The following RBM25 variants were observed in gnomAD, a reference collection of about 807,000 sequenced individuals.
RBM25 encodes RNA binding motif protein 25, also known as RNA-binding protein 25.
RBM25 carries 19 observed loss-of-function variants against 120.7 expected under a neutral mutation model. The observed-to-expected ratio is 0.16, with a 90% CI of 0.11 to 0.23. RBM25 has a LOEUF of 0.23. Ranked by LOEUF, RBM25 falls within the 10% of genes least tolerant of loss-of-function variation. The pLI is 1.00. For missense variants in RBM25, 605 were observed against 1,041.5 expected, an observed-to-expected ratio of 0.58 and a Z score of 5.77; for synonymous variants, 390 against 326.7, an observed-to-expected ratio of 1.19 and a Z score of -2.09.
Position 73,103,092 on chromosome 14 carries a change from G to T in RBM25, c.868-100G>T, listed in dbSNP as rs1177458510. 7 of 1,519,672 alleles carry T rather than the reference G, an allele frequency of 4.6e-6. No homozygotes were observed. In the African/African-American group the frequency reaches 9.8e-5, roughly 21 times the overall value. The allele number at this position is 1,519,672 out of a possible 1,614,324, so 94.1% of individuals were successfully genotyped here. A position where few individuals can be genotyped will look rare whatever the true frequency, so the allele number is the denominator to read the frequency against. ...AAGTATTTAATATTAATGTATCAGT[G>T]GTTTGGTGTTTTTGTTCCCAGTACT... On this transcript the variant is annotated intron_variant, in intron 9 of 18. Coordinates refer to ENST00000261973, the MANE Select transcript of RBM25 (RefSeq NM_021239.3).
chr14:73,073,106 T>C (rs545951896), intron 2 of RBM25, among the ~76,000 whole-genome samples: 1 of 152,176 alleles, frequency 6.6e-6, no homozygotes, highest in East Asian at 1.9e-4. Context: ...TAAAAAACAT[T>C]TTATAAAGAT....
At chr14:73,097,659 G>T (rs754898325) in intron 7 of RBM25, among the ~76,000 whole-genome samples, 1 of 152,120 alleles carries the variant, frequency 6.6e-6, no homozygotes, top group African/African-American at 2.4e-5. Context: ...TTTGCCTATG[G>T]TTGTTCTGTC....
At chr14:73,059,369 C>T (rs1894945703) in intron 1 of RBM25, 1 of 152,154 alleles carries the variant, frequency 6.6e-6, no homozygotes, top group Admixed American at 6.5e-5. Flanking sequence ...CTGTATATCG[C>T]CATTCATTCT....
intron 5 of RBM25, among the ~76,000 whole-genome samples, chr14:73,084,712 C>T (rs1895644087): frequency 6.6e-6 from 1 of 151,844 alleles, no homozygotes; most frequent in Admixed American, 6.6e-5. Context: ...GCCACCATGC[C>T]CGGCTAATTT....
Position 73,121,484 on chromosome 14 carries a change from T to C in RBM25, c.*1679T>C, listed in dbSNP as rs988996089. 6 of 152,592 alleles carry C rather than the reference T, an allele frequency of 3.9e-5. No homozygotes were observed. The highest frequency in any genetic ancestry group is 8.8e-5 in the Non-Finnish European group (6 of 68,034). 9.5% of individuals were successfully genotyped at this position (152,592 alleles called of 1,614,324 possible). A position where few individuals can be genotyped will look rare whatever the true frequency, so the allele number is the denominator to read the frequency against. ...AGCCATTTACATTATTTTGGATGAATCTACTATACATCTATGGAAATGTCT... is the reference window on the plus strand; with the variant it reads ...AGCCATTTACATTATTTTGGATGAACCTACTATACATCTATGGAAATGTCT... On this transcript the variant is annotated 3_prime_UTR_variant, in exon 19 of 19. Coordinates refer to ENST00000261973, the MANE Select transcript of RBM25 (RefSeq NM_021239.3).
intron 5 of RBM25, among the ~76,000 whole-genome samples, 172 bp downstream of exon 5, chr14:73,083,723 C>A (rs924943326): frequency 1.3e-4 from 19 of 151,710 alleles, no homozygotes; most frequent in Admixed American, 1.1e-3. Flanking sequence ...AAAATATTGG[C>A]TGAGAATTGA....
chr14:73,092,424 A>G (rs559160659), intron 6 of RBM25, among the ~76,000 whole-genome samples: 1 of 152,248 alleles, frequency 6.6e-6, no homozygotes, highest in South Asian at 2.1e-4. Flanking sequence ...GAGACATTGA[A>G]AACCCTTTGT....
intron 5 of RBM25, among the ~76,000 whole-genome samples, chr14:73,086,312 C>T (rs1280189330): frequency 1.3e-5 from 2 of 151,820 alleles, no homozygotes; most frequent in Non-Finnish European, 1.5e-5. Flanking sequence ...GTGGTGCGCT[C>T]CTTTAGTCTG....
chr14:73,091,131 T>C (rs1895804810), intron 6 of RBM25, among the ~76,000 whole-genome samples: 1 of 152,242 alleles, frequency 6.6e-6, no homozygotes, highest in South Asian at 2.1e-4. Context: ...GCAAATGTTA[T>C]ACTGAAAAAC....
At chr14:73,101,454 C>CT (rs1278612718) in intron 9 of RBM25, 1 of 116,230 alleles carries the variant, frequency 8.6e-6, no homozygotes, top group African/African-American at 4.2e-5. Context: ...CTTCTCCAGT[C>CT]TTTCTTTAAA....
At chr14:73,100,072 T>TAC (rs1896028203) in intron 9 of RBM25, 1 of 474,050 alleles carries the variant, frequency 2.1e-6, no homozygotes, top group Admixed American at 3.8e-5. Flanking sequence ...CAGGATAACA[T>TAC]ACACTGTAGT....
intron 1 of RBM25, among the ~76,000 whole-genome samples, chr14:73,060,025 T>A (rs529370506): frequency 6.1e-5 from 9 of 147,206 alleles, no homozygotes. Context: ...GACTCTGTAA[T>A]TTTTTTTTTT....
At chr14:73,106,438 T>C (rs192862519) in intron 12 of RBM25, among the ~76,000 whole-genome samples, 153 bp downstream of exon 12, 2 of 152,220 alleles carry the variant, frequency 1.3e-5, no homozygotes. Flanking sequence ...TTTGAGCCAA[T>C]TTAAGTACAC....
chr14:73,083,263 A>G (rs1021696183), intron 4 of RBM25, among the ~76,000 whole-genome samples: 1 of 152,234 alleles, frequency 6.6e-6, no homozygotes, highest in African/African-American at 2.4e-5. Flanking sequence ...AAGGTAAACA[A>G]TGTTCTGCAA....
chr14:73,105,038 T>TACACACACACACACACACACACACACAC (rs57281649), intron 10 of RBM25, among the ~76,000 whole-genome samples: 1,450 of 141,142 alleles, frequency 0.01, 14 homozygotes, highest in Non-Finnish European at 0.015. Context: ...ACATATTAAA[T>TACACACACACACACACACACACACACAC]ACACACACAC....
intron 6 of RBM25, among the ~76,000 whole-genome samples, chr14:73,096,188 G>A (rs922514330): frequency 1.1e-4 from 17 of 152,104 alleles, no homozygotes; most frequent in African/African-American, 3.9e-4. Context: ...TGTTGGCCAG[G>A]CTGGTCTTGA....
intron 5 of RBM25, 100 bp downstream of exon 5, chr14:73,083,651 C>G: frequency 1.3e-6 from 1 of 782,020 alleles, no homozygotes; most frequent in South Asian, 2.8e-5. Context: ...ATCAGTAAGA[C>G]TTATTTTATT....
intron 1 of RBM25, among the ~76,000 whole-genome samples, chr14:73,066,047 A>G (rs550050548): frequency 1.7e-4 from 26 of 152,258 alleles, no homozygotes; most frequent in Admixed American, 1.4e-3. Flanking sequence ...TTACTGATTT[A>G]TTCATTAATC....
At chr14:73,102,044 C>T (rs1896066918) in intron 9 of RBM25, 1 of 152,126 alleles carries the variant, frequency 6.6e-6, no homozygotes, top group Non-Finnish European at 1.5e-5. Context: ...GCTATAAGTT[C>T]TCTGATCCAT....
Sources: allele counts gnomAD v4.1 joint callset (sites outside exome capture counted in the v4.1 genomes callset), GRCh38; gene constraint gnomAD v4.1.1; transcripts MANE v1.5; gene names NCBI Gene and HGNC (gene_info 2026-07-23, HGNC 2026-07-21).